The following RAI2 variants were observed in gnomAD, a reference collection of about 807,000 sequenced individuals.
RAI2 encodes retinoic acid induced 2, also known as retinoic acid-induced protein 2.
In RAI2, 5 loss-of-function variants were observed where a neutral mutation model predicts 15.3. The ratio of observed to expected loss-of-function variants is 0.33; its 90% CI spans 0.17 to 0.69. The LOEUF (loss-of-function observed/expected upper bound fraction) is 0.69, where lower values mean the gene tolerates loss of function less well. RAI2 is among the 30% of genes least tolerant of loss of function. The pLI is 0.69. For missense variants in RAI2, 424 were observed against 424.7 expected, an observed-to-expected ratio of 1.00 and a Z score of 0.01; for synonymous variants, 191 against 184.0, an observed-to-expected ratio of 1.04 and a Z score of -0.31.
At chrX:17,829,613 A>G (rs2067261907) in intron 1 of RAI2, among the ~76,000 whole-genome samples, 1 of 112,606 alleles carries the variant, frequency 8.9e-6, no homozygotes, top group African/African-American at 3.2e-5. Flanking sequence ...CTTAACCAAG[A>G]TGTTTCGCAA....
chrX:17,804,465 T>G (rs58865821), intron 1 of RAI2, among the ~76,000 whole-genome samples: 6,479 of 111,857 alleles, frequency 0.058, 453 homozygotes, highest in African/African-American at 0.2. Flanking sequence ...GTTGGCCACT[T>G]GCACAAAGCC....
chrX:17,816,048 CT>C (rs2147229561), intron 1 of RAI2, among the ~76,000 whole-genome samples: 1 of 105,596 alleles, frequency 9.5e-6, no homozygotes, highest in Non-Finnish European at 2.0e-5. Context: ...CTTTTTCTTT[CT>C]CTCTCTCTCT....
Position 17,800,920 on chromosome X carries a change from C to G in RAI2, c.1091G>C (p.Gly364Ala). Reference protein sequence around the residue: ...EPPPETLYDSGASVDSSGHTV... With the variant: ...EPPPETLYDSAASVDSSGHTV... Reference sequence around the variant, plus strand: ...GTGACCTGAGCTGTCCACTGATGCACCACTGTCATACAGTGTCTCAGGGGG... The same window carrying G: ...GTGACCTGAGCTGTCCACTGATGCAGCACTGTCATACAGTGTCTCAGGGGG... The change falls in exon 2 of 2, where the codon GGT becomes GCT. Residue 364 changes from glycine to alanine, a missense_variant. Coordinates refer to ENST00000451717, the MANE Select transcript of RAI2 (RefSeq NM_021785.6). The G allele has an allele frequency of 6.6e-6, 8 of 1,211,288 alleles. No homozygotes were observed. Among genetic ancestry groups the G allele is most frequent in the Admixed American group, 2.2e-5 (1 of 46,036 alleles).
chrX:17,829,938 C>A (rs1403194744), intron 1 of RAI2, among the ~76,000 whole-genome samples: 8 of 112,516 alleles, frequency 7.1e-5, no homozygotes, highest in Non-Finnish European at 1.3e-4. Context: ...ACATAGTTAT[C>A]CAGGTCACTG....
At chrX:17,838,473 T>G (rs1198130829) in intron 1 of RAI2, among the ~76,000 whole-genome samples, 1 of 111,800 alleles carries the variant, frequency 8.9e-6, no homozygotes, top group Non-Finnish European at 1.9e-5. Context: ...AGCCCTTGCC[T>G]AGAGCTTGGT....
chrX:17,827,391 G>A (rs2067238843), intron 1 of RAI2, among the ~76,000 whole-genome samples: 1 of 112,242 alleles, frequency 8.9e-6, no homozygotes, highest in Admixed American at 9.4e-5. Flanking sequence ...GTATTTAACA[G>A]AACTTCTTCA....
At chrX:17,810,150 A>G (rs2067030695) in intron 1 of RAI2, among the ~76,000 whole-genome samples, 1 of 111,321 alleles carries the variant, frequency 9.0e-6, no homozygotes, top group South Asian at 3.9e-4. Context: ...AGCATAGAGT[A>G]CACTGACTCC....
At position 17,833,884 on chromosome X, in the gene RAI2, T is replaced by C. The variant is rs141609753; in HGVS notation, c.-25+27214A>G. On this transcript the variant is annotated intron_variant, in intron 1 of 1. Transcript: ENST00000451717. ...CTGGGGAAAACATTCTTACCTCCTC[T>C]GTAAGTACATTATTCTACCTACCTG... 1.2e-4 allele frequency among the ~76,000 whole-genome samples: 13 copies of C among 112,383 alleles called. No homozygotes were observed. In the East Asian group the frequency reaches 3.6e-3, roughly 31 times the overall value.
intron 1 of RAI2, among the ~76,000 whole-genome samples, chrX:17,810,696 G>A (rs1051927436): frequency 1.1e-4 from 12 of 112,035 alleles, no homozygotes; most frequent in African/African-American, 3.6e-4. Flanking sequence ...GAGGGAGGAC[G>A]CCACCAGCTC....
intron 1 of RAI2, among the ~76,000 whole-genome samples, chrX:17,826,255 T>C (rs1481200196): frequency 1.8e-5 from 2 of 110,952 alleles, no homozygotes; most frequent in African/African-American, 3.3e-5. Flanking sequence ...CCTTCTTAGA[T>C]AGAGAAGGTT....
intron 1 of RAI2, among the ~76,000 whole-genome samples, chrX:17,839,783 A>T (rs1419971805): frequency 8.9e-6 from 1 of 112,705 alleles, no homozygotes; most frequent in African/African-American, 3.2e-5. Context: ...GGCTTAGTTA[A>T]TTATCCCAGA....
At chrX:17,827,920 C>A (rs1481373257) in intron 1 of RAI2, among the ~76,000 whole-genome samples, 1 of 110,966 alleles carries the variant, frequency 9.0e-6, no homozygotes, top group Non-Finnish European at 1.9e-5. Flanking sequence ...CTCTTTTTCC[C>A]TTCATGTTTC....
At chrX:17,859,446 A>T (rs977954279) in intron 1 of RAI2, among the ~76,000 whole-genome samples, 33 of 112,268 alleles carry the variant, frequency 2.9e-4, no homozygotes, top group Non-Finnish European at 5.1e-4. Flanking sequence ...AGAATCAGTT[A>T]AATAAAGGGA....
intron 1 of RAI2, among the ~76,000 whole-genome samples, chrX:17,834,546 T>C (rs1294067641): frequency 9.1e-6 from 1 of 109,711 alleles, no homozygotes; most frequent in African/African-American, 3.3e-5. Context: ...GCAATGCCCA[T>C]GTGGTGAATT....
chrX:17,837,326 C>T (rs377433670), intron 1 of RAI2, among the ~76,000 whole-genome samples: 81 of 112,172 alleles, frequency 7.2e-4, no homozygotes, highest in African/African-American at 2.6e-3. Flanking sequence ...TCTCTTTCTT[C>T]ACTCTCTGAA....
chrX:17,857,262 C>T (rs941672856), intron 1 of RAI2, among the ~76,000 whole-genome samples: 3 of 111,446 alleles, frequency 2.7e-5, no homozygotes, highest in African/African-American at 9.8e-5. Context: ...ATATTCTGTT[C>T]AGGGAGGCAG....
chrX:17,801,258 C>G lies in RAI2; in HGVS notation c.753G>C (p.Pro251=), dbSNP rs780615043. 8.3e-7 allele frequency: 1 copy of G among 1,202,142 alleles called. No homozygotes were observed. Among genetic ancestry groups the G allele is most frequent in the Non-Finnish European group, 1.1e-6 (1 of 890,105 alleles). The change falls in exon 2 of 2, where the codon CCG becomes CCC. Residue 251 remains proline, a synonymous_variant. Transcript: ENST00000451717. ...PVPVPIPIPI[P]MPQSSESKFS... is the part of the protein sequence containing the mutation. ...ACTTGGATTCAGAACTCTGAGGCAT[C>G]GGGATGGGGATGGGAATAGGGACTG...
intron 1 of RAI2, among the ~76,000 whole-genome samples, chrX:17,803,937 T>C (rs975461418): frequency 8.0e-5 from 7 of 87,395 alleles, no homozygotes; most frequent in Non-Finnish European, 1.3e-4. Context: ...CCAACATGCC[T>C]TTTTTTTTTT....
In RAI2 at chrX:17,824,242, A is replaced by G. The variant is rs1473800546; in HGVS notation, c.-24-22208T>C. Among the ~76,000 whole-genome samples the G allele has an allele frequency of 1.1e-4, 12 of 112,319 alleles. No homozygotes were observed. The Admixed American group carries it at 1.1e-3, about 11-fold the overall frequency. ...TCTACTTTTTGGAATCACCTCAAGG[A>G]AATGCAGGCCCTAGCTGGATTTTCT... On this transcript the variant is annotated intron_variant, in intron 1 of 1. Transcript: ENST00000451717.
Sources: allele counts gnomAD v4.1 joint callset (sites outside exome capture counted in the v4.1 genomes callset), GRCh38; gene constraint gnomAD v4.1.1; transcripts MANE v1.5; gene names NCBI Gene and HGNC (gene_info 2026-07-23, HGNC 2026-07-21).